The following NXPH2 variants were observed in gnomAD, a reference collection of about 807,000 sequenced individuals.
The protein encoded by NXPH2 is neurexophilin-2.
A neutral mutation model predicts 19.8 loss-of-function variants in NXPH2; 5 were observed. That is an observed-to-expected ratio of 0.25 (90% CI 0.13 to 0.53). The LOEUF is 0.53. Ranked by LOEUF, NXPH2 falls within the 20% of genes least tolerant of loss-of-function variation. NXPH2 has a pLI of 0.96. For synonymous variants in NXPH2, 154 were observed against 127.4 expected (o/e 1.21, Z -1.41); for missense variants, 289 against 322.8 (o/e 0.90, Z 0.80).
At chr2:138,730,891 C>T (rs2104999584) in intron 1 of NXPH2, among the ~76,000 whole-genome samples, 1 of 152,274 alleles carries the variant, frequency 6.6e-6, no homozygotes, top group Non-Finnish European at 1.5e-5. Flanking sequence ...GCAGCAATAG[C>T]TAACTATAAC....
At chr2:138,710,290 G>A (rs193151036) in intron 1 of NXPH2, among the ~76,000 whole-genome samples, 50 of 152,192 alleles carry the variant, frequency 3.3e-4, no homozygotes, top group African/African-American at 1.1e-3. Context: ...TATGTACCAC[G>A]TTTTGTTTAT....
intron 1 of NXPH2, among the ~76,000 whole-genome samples, chr2:138,722,018 T>C (rs933795327): frequency 6.6e-6 from 1 of 152,254 alleles, no homozygotes; most frequent in East Asian, 1.9e-4. Context: ...AGACTGGGAG[T>C]TGAATGCTAG....
chr2:138,769,754 C>A (rs913675338), intron 1 of NXPH2, among the ~76,000 whole-genome samples: 2 of 152,142 alleles, frequency 1.3e-5, no homozygotes, highest in African/African-American at 2.4e-5. Flanking sequence ...GGATGCTCAC[C>A]CCTTACCCTG....
rs556494746 is a variant in NXPH2, at chr2:138,745,889, A to G, written c.51+34302T>C. Among the ~76,000 whole-genome samples, 128 of 152,344 alleles carry G rather than the reference A, an allele frequency of 8.4e-4. 1 individual carries two copies. The highest frequency in any genetic ancestry group is 1.7e-3 in the Non-Finnish European group (113 of 68,034). On this transcript the variant is annotated intron_variant, in intron 1 of 1. Transcript: ENST00000272641. ...TAATGTTTTATTTAAGAAATTTGATACGGCCCATAAATACAAAATAATTAA... is the reference window on the plus strand; with the variant it reads ...TAATGTTTTATTTAAGAAATTTGATGCGGCCCATAAATACAAAATAATTAA...
chr2:138,702,043 T>C (rs1680931635), intron 1 of NXPH2, among the ~76,000 whole-genome samples: 1 of 152,140 alleles, frequency 6.6e-6, no homozygotes, highest in South Asian at 2.1e-4. Flanking sequence ...CACTTTATCA[T>C]TTTCCAGAGA....
intron 1 of NXPH2, among the ~76,000 whole-genome samples, chr2:138,749,440 T>C (rs1388682384): frequency 6.6e-6 from 1 of 152,168 alleles, no homozygotes; most frequent in Non-Finnish European, 1.5e-5. Context: ...TTTATAAAAT[T>C]CCTTTTATAT....
intron 1 of NXPH2, among the ~76,000 whole-genome samples, chr2:138,712,889 G>GAAAAGGAGC: frequency 6.6e-6 from 1 of 152,206 alleles, no homozygotes; most frequent in African/African-American, 2.4e-5. Flanking sequence ...ATATTATTGA[G>GAAAAGGAGC]AAAAGGAGCA....
intron 1 of NXPH2, among the ~76,000 whole-genome samples, chr2:138,742,050 T>C (rs534571071): frequency 1.3e-5 from 2 of 151,994 alleles, no homozygotes; most frequent in South Asian, 4.2e-4. Flanking sequence ...CTGTCAGCAA[T>C]CCAAATGAAA....
chr2:138,733,156 C>G (rs1294901866), intron 1 of NXPH2, among the ~76,000 whole-genome samples: 1 of 152,136 alleles, frequency 6.6e-6, no homozygotes, highest in Non-Finnish European at 1.5e-5. Flanking sequence ...TCTACACAGT[C>G]TATAATGAAA....
chr2:138,751,052 T>C (rs1681821903), intron 1 of NXPH2, among the ~76,000 whole-genome samples: 2 of 128,350 alleles, frequency 1.6e-5, no homozygotes, highest in South Asian at 5.8e-4. Context: ...CTCTTTCTCA[T>C]TACCCTGTGT....
chr2:138,763,571 T>A (rs1682049205), intron 1 of NXPH2, among the ~76,000 whole-genome samples: 1 of 152,206 alleles, frequency 6.6e-6, no homozygotes, highest in African/African-American at 2.4e-5. Context: ...CTCTGGCTAC[T>A]GAGCATATCC....
At chr2:138,763,819 C>T (rs911629357) in intron 1 of NXPH2, among the ~76,000 whole-genome samples, 30 of 152,266 alleles carry the variant, frequency 2.0e-4, no homozygotes, top group African/African-American at 7.2e-4. Flanking sequence ...ATGGAATATG[C>T]CACCCCAAAG....
intron 1 of NXPH2, among the ~76,000 whole-genome samples, chr2:138,722,882 G>GGAGC (rs1681302207): frequency 6.6e-6 from 1 of 152,180 alleles, no homozygotes. Context: ...TTTGGCCTCT[G>GGAGC]TAGCTCAGGC....
At chr2:138,759,878 T>C (rs1467799956) in intron 1 of NXPH2, among the ~76,000 whole-genome samples, 1 of 151,906 alleles carries the variant, frequency 6.6e-6, no homozygotes, top group African/African-American at 2.4e-5. Context: ...TATAGGCACC[T>C]GCCACCACGC....
chr2:138,763,837 C>T (rs1429082493), intron 1 of NXPH2, among the ~76,000 whole-genome samples: 1 of 152,200 alleles, frequency 6.6e-6, no homozygotes, highest in East Asian at 1.9e-4. Flanking sequence ...AAGTTTTTCC[C>T]TGCAATCTGT....
At chr2:138,741,466 T>C (rs1342250740) in intron 1 of NXPH2, among the ~76,000 whole-genome samples, 1 of 152,098 alleles carries the variant, frequency 6.6e-6, no homozygotes, top group East Asian at 1.9e-4. Context: ...CTCCATGTTT[T>C]CCCCCTCATA....
At chr2:138,759,316 A>G (rs1267080182) in intron 1 of NXPH2, among the ~76,000 whole-genome samples, 2 of 152,166 alleles carry the variant, frequency 1.3e-5, no homozygotes, top group Admixed American at 6.5e-5. Context: ...TCATGAAGCA[A>G]GCAGGCTAGT....
intron 1 of NXPH2, among the ~76,000 whole-genome samples, chr2:138,766,674 T>C (rs563013526): frequency 6.6e-6 from 1 of 152,314 alleles, no homozygotes; most frequent in African/African-American, 2.4e-5. Flanking sequence ...TTACCACTGC[T>C]GGACAGCTCT....
intron 1 of NXPH2, among the ~76,000 whole-genome samples, chr2:138,735,243 T>C (rs576202072): frequency 1.3e-5 from 2 of 152,256 alleles, no homozygotes; most frequent in Non-Finnish European, 2.9e-5. Flanking sequence ...TGGTATTCTA[T>C]GATGGTGTTG....
Sources: allele counts gnomAD v4.1 joint callset (sites outside exome capture counted in the v4.1 genomes callset), GRCh38; gene constraint gnomAD v4.1.1; transcripts MANE v1.5; gene names NCBI Gene and HGNC (gene_info 2026-07-23, HGNC 2026-07-21).